STIM1: variants seen among roughly 807,000 people sequenced by gnomAD.
STIM1 encodes stromal interaction molecule 1.
A neutral mutation model predicts 74.7 loss-of-function variants in STIM1; 25 were observed. The ratio of observed to expected loss-of-function variants is 0.33; its 90% CI spans 0.24 to 0.47. The LOEUF (loss-of-function observed/expected upper bound fraction) is 0.47. Among genes scored for constraint, STIM1 ranks in the 20% least tolerant of loss-of-function variants. The pLI is 1.00. For synonymous variants in STIM1, 328 were observed against 348.8 expected (o/e 0.94, Z 0.66); for missense variants, 728 against 920.8 (o/e 0.79, Z 2.71).
Position 3,855,889 on chromosome 11 carries a change from TC to T in STIM1, c.-381del. Reference sequence around the variant, plus strand: ...TCAGGTGCCCCCTTCTCGCCTCTCTTCTCTTCTCTTCTCTTCCTCCTCCACT... The same window carrying T: ...TCAGGTGCCCCCTTCTCGCCTCTCTTTCTTCTCTTCTCTTCCTCCTCCACT... On this transcript the variant is annotated 5_prime_UTR_variant, in exon 1 of 13. Coordinates refer to ENST00000526596, the MANE Select transcript of STIM1 (RefSeq NM_001382567.1). 5.5e-6 allele frequency: 1 copy of T among 180,788 alleles called. No homozygotes were observed. The allele number at this position is 180,788 out of a possible 1,614,324, so 11.2% of individuals were successfully genotyped here. A position where few individuals can be genotyped will look rare whatever the true frequency, so the allele number is the denominator to read the frequency against.
At position 4,040,914 on chromosome 11, in the gene STIM1, A is replaced by G. The variant is rs543628330; in HGVS notation, c.386-14612A>G. Among the ~76,000 whole-genome samples, 8 of 152,250 alleles carry G rather than the reference A, an allele frequency of 5.3e-5. No homozygotes were observed. The East Asian group carries it at 1.5e-3, about 29-fold the overall frequency. ...TATCACATGAGGCCTAGGCCAGATT[A>G]TTTTTGCAATGATGGTTCAGGGTTT... On this transcript the variant is annotated intron_variant, in intron 3 of 12. Coordinates refer to ENST00000526596, the MANE Select transcript of STIM1 (RefSeq NM_001382567.1).
At chr11:3,891,984 AGG>A in intron 1 of STIM1, among the ~76,000 whole-genome samples, 1 of 152,236 alleles carries the variant, frequency 6.6e-6, no homozygotes, top group Non-Finnish European at 1.5e-5. Context: ...ATTTGGCCTG[AGG>A]GCCTCAGTTT....
At chr11:4,010,423 A>T (rs2093824502) in intron 2 of STIM1, among the ~76,000 whole-genome samples, 1 of 151,472 alleles carries the variant, frequency 6.6e-6, no homozygotes, top group Admixed American at 6.6e-5. Flanking sequence ...CACCTGCTTC[A>T]GCCTCCCGAT....
chr11:3,960,249 A>G (rs1359017098), intron 1 of STIM1, among the ~76,000 whole-genome samples: 1 of 152,236 alleles, frequency 6.6e-6, no homozygotes, highest in African/African-American at 2.4e-5. Flanking sequence ...TTGTAAATAA[A>G]TGAAATGCAT....
In STIM1 at chr11:4,022,137, G is replaced by A. The variant is rs1450609284; in HGVS notation, c.271-1736G>A. Among the ~76,000 whole-genome samples, 8 of 151,888 alleles carry A rather than the reference G, an allele frequency of 5.3e-5. No individual in the cohort carries two copies. The East Asian group carries it at 1.5e-3, about 29-fold the overall frequency. On this transcript the variant is annotated intron_variant, in intron 2 of 12. Transcript: ENST00000526596. ...CCTTGAGATCAGGAGTTTGAGACCA[G>A]CCTGGGTAACGTGGTAAAATCCCGT...
chr11:3,988,459 C>CT (rs920878658), intron 2 of STIM1, among the ~76,000 whole-genome samples: 23 of 151,218 alleles, frequency 1.5e-4, no homozygotes, highest in Non-Finnish European at 2.8e-4. Flanking sequence ...TATTGTAATT[C>CT]TTTTTTTTTA....
intron 3 of STIM1, among the ~76,000 whole-genome samples, chr11:4,045,732 A>G (rs919768547): frequency 1.4e-5 from 2 of 147,676 alleles, no homozygotes; most frequent in African/African-American, 2.5e-5. Flanking sequence ...GATTATAGTC[A>G]TGAGCCACCA....
At chr11:3,937,086 T>TTGAA (rs936550027) in intron 1 of STIM1, among the ~76,000 whole-genome samples, 2 of 151,458 alleles carry the variant, frequency 1.3e-5, no homozygotes, top group African/African-American at 4.9e-5. Flanking sequence ...AGTCCAGGAG[T>TTGAA]TGAAGACCAG....
intron 2 of STIM1, among the ~76,000 whole-genome samples, chr11:4,006,260 G>A (rs756512682): frequency 2.0e-5 from 3 of 152,160 alleles, no homozygotes; most frequent in Admixed American, 6.6e-5. Flanking sequence ...TGTATGGTGT[G>A]TCTGTTTCCC....
At chr11:3,927,431 T>C (rs1446509988) in intron 1 of STIM1, among the ~76,000 whole-genome samples, 2 of 152,226 alleles carry the variant, frequency 1.3e-5, no homozygotes, top group Non-Finnish European at 2.9e-5. Flanking sequence ...CAGTGTTTTG[T>C]GTATAATGCC....
chr11:4,013,881 A>AT (rs1279207168), intron 2 of STIM1, among the ~76,000 whole-genome samples: 3 of 149,886 alleles, frequency 2.0e-5, no homozygotes, highest in South Asian at 2.1e-4. Context: ...ATTTTTTTGT[A>AT]TTTTTTTAGT....
intron 7 of STIM1, among the ~76,000 whole-genome samples, chr11:4,075,911 A>AT (rs1249409733): frequency 6.6e-6 from 1 of 152,074 alleles, no homozygotes; most frequent in East Asian, 1.9e-4. Flanking sequence ...GTATCTTGTG[A>AT]TTTTAATTTT....
In STIM1 at chr11:3,992,081, G is replaced by GTTTTTTTTTTTT. The variant is rs1554963559; in HGVS notation, c.270+24406_270+24407insTTTTTTTTTTTT. Among the ~76,000 whole-genome samples, 37 of 91,976 alleles carry GTTTTTTTTTTTT rather than the reference G, an allele frequency of 4.0e-4. 2 individuals are homozygous for GTTTTTTTTTTTT. Among genetic ancestry groups the GTTTTTTTTTTTT allele is most frequent in the African/African-American group, 1.7e-3 (36 of 21,328 alleles). The allele number at this position is 91,976 out of a possible 152,430, so 60.3% of individuals were successfully genotyped here. ...TTTCTCTGCAGCCTTGCCAACATCT[G>GTTTTTTTTTTTT]TTTTTTTGTTTTTTTTTTTTTTTTT... On this transcript the variant is annotated intron_variant, in intron 2 of 12. Coordinates refer to ENST00000526596, the MANE Select transcript of STIM1 (RefSeq NM_001382567.1).
At chr11:4,064,162 T>C (rs2094350368) in intron 5 of STIM1, among the ~76,000 whole-genome samples, 1 of 152,186 alleles carries the variant, frequency 6.6e-6, no homozygotes, top group Non-Finnish European at 1.5e-5. Context: ...ATGGCAAATA[T>C]TGTTTTTATA....
At position 4,086,340 on chromosome 11, in the gene STIM1, G is replaced by A. The variant is rs1047055532; in HGVS notation, c.1568-137G>A. ...AGGACCCCTGGTGGGAGGTTTCTGG[G>A]AGGAGGTGCCCCATTCTCCAGATTG... On this transcript the variant is annotated intron_variant, in intron 11 of 12. Coordinates refer to ENST00000526596, the MANE Select transcript of STIM1 (RefSeq NM_001382567.1). 1.0e-4 allele frequency: 97 copies of A among 951,564 alleles called. 1 individual carries two copies. The East Asian group carries it at 2.5e-3, about 25-fold the overall frequency. The allele number at this position is 951,564 out of a possible 1,614,324, so 58.9% of individuals were successfully genotyped here.
intron 1 of STIM1, among the ~76,000 whole-genome samples, chr11:3,900,968 A>G (rs1161877839): frequency 6.6e-6 from 1 of 152,220 alleles, no homozygotes; most frequent in Non-Finnish European, 1.5e-5. Context: ...AGGCAGTCGG[A>G]TCACTTGAGG....
intron 2 of STIM1, among the ~76,000 whole-genome samples, chr11:3,992,463 G>A (rs1272583990): frequency 6.6e-6 from 1 of 151,924 alleles, no homozygotes; most frequent in African/African-American, 2.4e-5. Context: ...TTTAAATTGG[G>A]TTGTCTTTTT....
chr11:3,889,206 T>C (rs967415936), intron 1 of STIM1, among the ~76,000 whole-genome samples: 7 of 150,090 alleles, frequency 4.7e-5, no homozygotes, highest in African/African-American at 1.2e-4. Flanking sequence ...ATCTTATCCC[T>C]GAGGCCCAAC....
intron 1 of STIM1, among the ~76,000 whole-genome samples, chr11:3,955,629 A>G (rs1184234223): frequency 3.3e-5 from 5 of 152,016 alleles, no homozygotes; most frequent in Non-Finnish European, 5.9e-5. Context: ...TAAATTGTCT[A>G]TATATTTACT....
Sources: gnomAD v4.1 joint callset for allele counts (sites outside exome capture counted in the v4.1 genomes callset) on GRCh38, gnomAD v4.1.1 for gene constraint, MANE v1.5 for transcripts, NCBI Gene and HGNC (gene_info 2026-07-23, HGNC 2026-07-21) for gene names.